The following IP6K3 variants were observed in gnomAD, a reference collection of about 807,000 sequenced individuals.
IP6K3 encodes the protein ATP:1D-myo-inositol-hexakisphosphate phosphotransferase.
Under a neutral mutation model 28.8 loss-of-function variants are expected in IP6K3, and 20 were observed. The ratio of observed to expected loss-of-function variants is 0.70; its 90% CI spans 0.49 to 1.01. The LOEUF is 1.01. IP6K3 is among the 50% of genes least tolerant of loss of function. The pLI is 0.00. For synonymous variants in IP6K3, 213 were observed against 221.3 expected (o/e 0.96, Z 0.33); for missense variants, 480 against 537.1 (o/e 0.89, Z 1.05).
At chr6:33,750,888 A>G (rs1259668546), upstream of IP6K3, among the ~76,000 whole-genome samples, 1 of 151,940 alleles carries the variant, frequency 6.6e-6, no homozygotes, top group Non-Finnish European at 1.5e-5. This position sits in a 1 kb window ranked among gnomAD's most constrained non-coding sequence, Gnocchi z 4.3. Flanking sequence ...TGCCCTAGAG[A>G]CAACAACCTC....
At chr6:33,726,466 A>G (rs919842300) in intron 4 of IP6K3, among the ~76,000 whole-genome samples, 1 of 152,214 alleles carries the variant, frequency 6.6e-6, no homozygotes, top group African/African-American at 2.4e-5. Context: ...GCAAAGACAC[A>G]GCCAGGGCCC....
the IP6K3 span, among the ~76,000 whole-genome samples, chr6:33,761,652 C>T: frequency 1.5e-4 from 23 of 152,192 alleles, no homozygotes; most frequent in African/African-American, 5.5e-4. Flanking sequence ...AGGCTCTCCC[C>T]TCCTCTCCAG....
intron 4 of IP6K3, 149 bp from the exon 5 acceptor site, chr6:33,725,765 C>T: frequency 1.6e-6 from 1 of 609,800 alleles, no homozygotes; most frequent in Non-Finnish European, 2.7e-6. Flanking sequence ...CAAGCTCATC[C>T]TTGCTATTAA....
At chr6:33,760,938 C>T in the IP6K3 span, among the ~76,000 whole-genome samples, 1 of 152,134 alleles carries the variant, frequency 6.6e-6, no homozygotes, top group African/African-American at 2.4e-5. Context: ...TTCTTCACCA[C>T]GAGACTACGC....
rs35862579 is a variant in IP6K3, at chr6:33,722,972, A to G, written c.981T>C (p.Leu327=). 8,713 of 1,613,992 alleles carry G rather than the reference A, an allele frequency of 5.4e-3. 122 individuals carry two copies. The highest frequency in any genetic ancestry group is 0.031 in the South Asian group (2,863 of 91,058). ...GTGGTTCCTGCCCATCATAGATGACAAGGAGAGAGCTGGAATAGAAGCGGT... is the reference window on the plus strand; with the variant it reads ...GTGGTTCCTGCCCATCATAGATGACGAGGAGAGAGCTGGAATAGAAGCGGT... ...SSYRFYSSSL[L]VIYDGQEPPE... The change falls in exon 6 of 6, where the codon CTT becomes CTC. Residue 327 remains leucine (L), a synonymous_variant. Coordinates refer to ENST00000293756, the MANE Select transcript of IP6K3 (RefSeq NM_054111.5).
upstream of IP6K3, among the ~76,000 whole-genome samples, chr6:33,751,131 A>AG (rs113843502): frequency 2.4e-3 from 362 of 152,180 alleles, 2 homozygotes; most frequent in Middle Eastern, 6.8e-3. The surrounding 1 kb of genome is among the most constrained non-coding windows in gnomAD (Gnocchi z 4.3). Context: ...CTTTGCAGCA[A>AG]GGGGGGGCCT....
chr6:33,735,614 A>G lies in IP6K3; in HGVS notation c.-138T>C. 19 of 1,468,782 alleles carry G rather than the reference A, an allele frequency of 1.3e-5. No individual in the cohort carries two copies. Among genetic ancestry groups the G allele is most frequent in the Non-Finnish European group, 1.7e-5 (19 of 1,115,934 alleles). The allele number at this position is 1,468,782 out of a possible 1,614,324, so 91.0% of individuals were successfully genotyped here. A position where few individuals can be genotyped will look rare whatever the true frequency, so the allele number is the denominator to read the frequency against. ...CCTTCTTGGCCTTTATTGCTGTCAT[A>G]GCGCAGTTGTCCTCCTGTCTGTGGG... On this transcript the variant is annotated 5_prime_UTR_variant, in exon 2 of 6. Transcript: ENST00000293756.
upstream of IP6K3, among the ~76,000 whole-genome samples, chr6:33,748,642 CA>C (rs35735336): frequency 2.1e-3 from 82 of 38,368 alleles, no homozygotes; most frequent in Admixed American, 6.1e-3. Context: ...ACCCTGTCTC[CA>C]AAAAAAAAAA....
At chr6:33,728,886 G>C (rs757680648) in intron 2 of IP6K3, among the ~76,000 whole-genome samples, 1 of 152,052 alleles carries the variant, frequency 6.6e-6, no homozygotes, top group Non-Finnish European at 1.5e-5. Context: ...CCCTTCACTT[G>C]CCCTCCCCCG....
intron 2 of IP6K3, among the ~76,000 whole-genome samples, chr6:33,732,520 C>A (rs1366041749): frequency 6.6e-6 from 1 of 152,230 alleles, no homozygotes; most frequent in Non-Finnish European, 1.5e-5. Context: ...CACTGACACC[C>A]GAGTCCACCC....
chr6:33,727,124 G>A (rs913128514), intron 3 of IP6K3, among the ~76,000 whole-genome samples: 2 of 152,212 alleles, frequency 1.3e-5, no homozygotes, highest in African/African-American at 2.4e-5. Context: ...TCCAAACCCT[G>A]GAGAACTTAT....
intron 1 of IP6K3, among the ~76,000 whole-genome samples, chr6:33,743,431 A>AT (rs1561911171): frequency 6.6e-6 from 1 of 152,112 alleles, no homozygotes; most frequent in Non-Finnish European, 1.5e-5. Context: ...CCGAGGGAGC[A>AT]TTTTTTAATC....
At chr6:33,733,998 T>C (rs534024039) in intron 2 of IP6K3, among the ~76,000 whole-genome samples, 1 of 151,738 alleles carries the variant, frequency 6.6e-6, no homozygotes, top group Admixed American at 6.6e-5. Context: ...AGGTTGGGAG[T>C]TCGAGACCAG....
chr6:33,761,593 A>G, the IP6K3 span, among the ~76,000 whole-genome samples: 2 of 152,012 alleles, frequency 1.3e-5, no homozygotes, highest in Non-Finnish European at 2.9e-5. Context: ...GGCCCCCAGT[A>G]GTAGGCTCTG....
Position 33,723,050 on chromosome 6 carries a change from G to T in IP6K3, c.903C>A (p.Pro301=). The change falls in exon 6 of 6, where the codon CCC becomes CCA. Residue 301 remains proline, a synonymous_variant. Transcript: ENST00000293756. ...GSHLRRELLE[P]ILHQLRALLS... ...GGAGGGCCCGGAGCTGGTGCAGGAT[G>T]GGCTCCAGGAGCTCCCTCCGGAGGT... The T allele has an allele frequency of 6.2e-7, 1 of 1,614,122 alleles. No individual in the cohort carries two copies. Among genetic ancestry groups the T allele is most frequent in the Non-Finnish European group, 8.5e-7 (1 of 1,179,998 alleles).
intron 5 of IP6K3, among the ~76,000 whole-genome samples, chr6:33,724,579 G>T (rs778120871): frequency 1.1e-4 from 16 of 152,158 alleles, no homozygotes; most frequent in Non-Finnish European, 1.8e-4. Flanking sequence ...CCTTTGCAGG[G>T]TTAGCAGGTT....
At chr6:33,734,050 A>G (rs1375832446) in intron 2 of IP6K3, among the ~76,000 whole-genome samples, 2 of 152,084 alleles carry the variant, frequency 1.3e-5, no homozygotes, top group African/African-American at 4.8e-5. Flanking sequence ...TAAAAATACA[A>G]AAATTGGCCG....
Position 33,735,293 on chromosome 6 carries a change from T to C in IP6K3, c.184A>G (p.Thr62Ala). 1 of 1,612,204 alleles carries C rather than the reference T, an allele frequency of 6.2e-7. No individual in the cohort carries two copies. Among genetic ancestry groups the C allele is most frequent in the South Asian group, 1.1e-5 (1 of 90,908 alleles). The change falls in exon 2 of 6, where the codon ACC (threonine) becomes GCC (alanine). Residue 62 changes from threonine to alanine, a missense_variant. Coordinates refer to ENST00000293756, the MANE Select transcript of IP6K3 (RefSeq NM_054111.5). ...AGACACTCACCTTTGTACTGTGGGG[T>C]GAACCGCTTCATGGCCAGCGGCAGG... ...ESLPLAMKRF[T>A]PQYKGTVTVH...
At chr6:33,737,282 C>G (rs184392400) in intron 1 of IP6K3, among the ~76,000 whole-genome samples, 131 of 152,280 alleles carry the variant, frequency 8.6e-4, no homozygotes, top group East Asian at 2.7e-3. Flanking sequence ...CTCTTCCTGC[C>G]CTGTTCGTCC....
Sources: gnomAD v4.1 joint callset for allele counts (sites outside exome capture counted in the v4.1 genomes callset) on GRCh38, gnomAD v4.1.1 for gene constraint, Gnocchi (gnomAD v3.1) non-coding constraint, MANE v1.5 for transcripts, NCBI Gene and HGNC (gene_info 2026-07-23, HGNC 2026-07-21) for gene names.